SRGAP3: variants seen among roughly 807,000 people sequenced by gnomAD.
SRGAP3 encodes SLIT-ROBO Rho GTPase activating protein 3, also known as SLIT-ROBO Rho GTPase-activating protein 3.
SRGAP3 carries 39 observed loss-of-function variants against 121.1 expected under a neutral mutation model. The observed-to-expected ratio is 0.32, with a 90% CI of 0.25 to 0.42. The LOEUF (loss-of-function observed/expected upper bound fraction) is 0.42, where lower values mean the gene tolerates loss of function less well. SRGAP3 is among the 10% of genes least tolerant of loss of function. The probability of loss-of-function intolerance (pLI) is 1.00; values close to 1 mark genes in which losing one functional copy is unlikely to be tolerated. For missense variants in SRGAP3, 1,213 were observed against 1,470.6 expected, an observed-to-expected ratio of 0.82 and a Z score of 2.86; for synonymous variants, 601 against 570.0, an observed-to-expected ratio of 1.05 and a Z score of -0.77.
chr3:9,097,673 C>T (rs1948043568), intron 3 of SRGAP3, among the ~76,000 whole-genome samples: 1 of 152,220 alleles, frequency 6.6e-6, no homozygotes, highest in African/African-American at 2.4e-5. Flanking sequence ...GAACGTATTC[C>T]CCCAGCTGCA....
At chr3:8,995,337 G>T (rs1183365305) in intron 18 of SRGAP3, among the ~76,000 whole-genome samples, 1 of 152,100 alleles carries the variant, frequency 6.6e-6, no homozygotes, top group African/African-American at 2.4e-5. Flanking sequence ...TTAGCTGGGC[G>T]TGGTAGCACG....
chr3:9,086,312 G>C (rs571313637), intron 3 of SRGAP3, among the ~76,000 whole-genome samples: 123 of 152,026 alleles, frequency 8.1e-4, no homozygotes, highest in Non-Finnish European at 1.5e-3. Context: ...GATGACCTGA[G>C]CCCAGGATTC....
At chr3:9,225,717 C>G (rs1212347937) in intron 1 of SRGAP3, among the ~76,000 whole-genome samples, 1 of 152,136 alleles carries the variant, frequency 6.6e-6, no homozygotes, top group South Asian at 2.1e-4. Context: ...TTAAAACAAG[C>G]CATGACACCA....
intron 13 of SRGAP3, 140 bp downstream of exon 13, chr3:9,026,795 C>T (rs1944228727): frequency 4.4e-6 from 4 of 902,488 alleles, no homozygotes; most frequent in Non-Finnish European, 5.5e-6. Context: ...AGAGCAGCTG[C>T]TGTGTGCAGT....
chr3:9,116,650 C>A (rs1354503333), intron 2 of SRGAP3, among the ~76,000 whole-genome samples: 1 of 152,152 alleles, frequency 6.6e-6, no homozygotes, highest in African/African-American at 2.4e-5. Flanking sequence ...ACCCCTGATG[C>A]TCATCCAAGG....
At chr3:9,263,721 C>T (rs757815667) in intron 3 of SRGAP3, among the ~76,000 whole-genome samples, 1 of 151,994 alleles carries the variant, frequency 6.6e-6, no homozygotes, top group Non-Finnish European at 1.5e-5. Flanking sequence ...GAAATTGAAG[C>T]ATAATTAATA....
chr3:9,009,143 G>A (rs973923074), intron 18 of SRGAP3, among the ~76,000 whole-genome samples: 3 of 152,142 alleles, frequency 2.0e-5, no homozygotes, highest in African/African-American at 4.8e-5. Flanking sequence ...TTGAGTTGGG[G>A]GTTCTGTCAT....
chr3:9,203,007 G>C (rs1238820071), intron 1 of SRGAP3, among the ~76,000 whole-genome samples: 1 of 152,166 alleles, frequency 6.6e-6, no homozygotes, highest in Admixed American at 6.5e-5. Flanking sequence ...AACCCTTGTG[G>C]GATCAGCTGA....
At chr3:9,259,557 C>A (rs1311840759) in intron 3 of SRGAP3, among the ~76,000 whole-genome samples, 2 of 152,204 alleles carry the variant, frequency 1.3e-5, no homozygotes, top group Admixed American at 1.3e-4. Context: ...GATCTTCCTG[C>A]CTCGGCCTCC....
chr3:9,059,228 G>A (rs1019724192), intron 6 of SRGAP3: 4 of 152,176 alleles, frequency 2.6e-5, no homozygotes, highest in African/African-American at 9.7e-5. Flanking sequence ...CATGTCCTTG[G>A]CGAGGTAAGC....
intron 1 of SRGAP3, 133 bp from the exon 2 acceptor site, chr3:9,125,050 A>G (rs1262362718): frequency 9.9e-7 from 1 of 1,014,720 alleles, no homozygotes; most frequent in East Asian, 2.6e-5. Context: ...CTCTGAGCCC[A>G]GCCAGAGCTC....
intron 3 of SRGAP3, among the ~76,000 whole-genome samples, chr3:9,089,179 G>A: frequency 6.6e-6 from 1 of 151,746 alleles, no homozygotes. Context: ...ATGAGTCACG[G>A]TGCCTGGCCC....
intron 2 of SRGAP3, among the ~76,000 whole-genome samples, chr3:9,107,883 G>C (rs968616565): frequency 3.9e-5 from 6 of 152,226 alleles, no homozygotes; most frequent in Admixed American, 1.3e-4. Context: ...CCATGTAGCA[G>C]ATGCTATGGA....
chr3:9,150,574 G>C (rs1950180184), intron 1 of SRGAP3, among the ~76,000 whole-genome samples: 1 of 152,322 alleles, frequency 6.6e-6, no homozygotes, highest in Non-Finnish European at 1.5e-5. Flanking sequence ...AGAAGCCCTA[G>C]ACAGTGGGCC....
intron 1 of SRGAP3, among the ~76,000 whole-genome samples, chr3:9,177,803 G>A (rs549504505): frequency 2.0e-5 from 3 of 152,276 alleles, no homozygotes; most frequent in Admixed American, 6.5e-5. Context: ...TCCTACTCTA[G>A]GGAAGACCAT....
chr3:9,255,907 G>A (rs771691038), intron 3 of SRGAP3, among the ~76,000 whole-genome samples: 14 of 152,110 alleles, frequency 9.2e-5, no homozygotes, highest in Non-Finnish European at 1.5e-4. Flanking sequence ...TTACAGTTGA[G>A]CAAATGAAGG....
chr3:9,346,976 G>A (rs1216881908), intron 1 of SRGAP3, among the ~76,000 whole-genome samples: 2 of 151,626 alleles, frequency 1.3e-5, no homozygotes, highest in African/African-American at 4.8e-5. Context: ...GGCTAGTCTC[G>A]AACTCCTTAC....
rs1175536058 is a variant in SRGAP3 at position 9,288,682 on chromosome 3, C to T, written n.442+37328G>A. Reference sequence around the variant, plus strand: ...CTCCAACTCCTGGGCTCAAGTAATCCTCCTGTCTCAGCCTCCCAAGTAGTT... The same window carrying T: ...CTCCAACTCCTGGGCTCAAGTAATCTTCCTGTCTCAGCCTCCCAAGTAGTT... On this transcript the variant is annotated intron_variant and non_coding_transcript_variant, in intron 3 of 3. Transcript: ENST00000490889. 2.7e-5 allele frequency among the ~76,000 whole-genome samples: 4 copies of T among 150,798 alleles called. No individual in the cohort carries two copies. In the East Asian group the frequency reaches 7.8e-4, roughly 30 times the overall value.
rs1178038047 is a variant in SRGAP3 at position 9,109,788 on chromosome 3, C to CT, written c.261-4947_261-4946insA. 3.9e-5 allele frequency among the ~76,000 whole-genome samples: 6 copies of CT among 152,136 alleles called. No homozygotes were observed. In the East Asian group the frequency reaches 1.2e-3, roughly 29 times the overall value. On this transcript the variant is annotated intron_variant, in intron 2 of 21. Coordinates refer to ENST00000383836, the MANE Select transcript of SRGAP3 (RefSeq NM_014850.4). This position sits in a 1 kb window ranked among gnomAD's most constrained non-coding sequence, Gnocchi z 4.4. ...GCTTTCTAGACTGAGAACTAAAAGC[C>CT]GGACTGGAGTTTCACAGGGAGGAGC...
Sources: gnomAD v4.1 joint callset for allele counts (sites outside exome capture counted in the v4.1 genomes callset) on GRCh38, gnomAD v4.1.1 for gene constraint, Gnocchi (gnomAD v3.1) non-coding constraint, MANE v1.5 for transcripts, NCBI Gene and HGNC (gene_info 2026-07-23, HGNC 2026-07-21) for gene names.